IRAG1: variants seen among roughly 807,000 people sequenced by gnomAD.
IRAG1 encodes inositol 1,4,5-triphosphate receptor associated 1.
In IRAG1, 62 loss-of-function variants were observed where a neutral mutation model predicts 106.2. That is an observed-to-expected ratio of 0.58 (90% CI 0.48 to 0.72). The LOEUF is 0.72. Among genes scored for constraint, IRAG1 ranks in the 30% least tolerant of loss-of-function variants. The probability of loss-of-function intolerance (pLI) is 0.00; values close to 1 mark genes in which losing one functional copy is unlikely to be tolerated. For synonymous variants in IRAG1, 462 were observed against 443.9 expected (o/e 1.04, Z -0.51); for missense variants, 1,064 against 1,140.7 (o/e 0.93, Z 0.97).
intron 10 of IRAG1, among the ~76,000 whole-genome samples, chr11:10,618,699 A>G (rs1367233121): frequency 6.6e-6 from 1 of 152,216 alleles, no homozygotes; most frequent in African/African-American, 2.4e-5. Flanking sequence ...TCCATGCAGA[A>G]GACAGAATGT....
In IRAG1 at chr11:10,574,630, T is replaced by G. The variant is rs1031953953; in HGVS notation, c.*1702A>C. 4.6e-5 allele frequency: 7 copies of G among 151,436 alleles called. No individual in the cohort carries two copies. Among genetic ancestry groups the G allele is most frequent in the African/African-American group, 1.7e-4 (7 of 41,116 alleles). 9.4% of individuals were successfully genotyped at this position (151,436 alleles called of 1,614,324 possible). A position where few individuals can be genotyped will look rare whatever the true frequency, so the allele number is the denominator to read the frequency against. Reference sequence around the variant, plus strand: ...AATTTTTGCACTCGGTCGAGAAGAGTGACCTGAAGAAAAGAGAAGAACAGC... The same window carrying G: ...AATTTTTGCACTCGGTCGAGAAGAGGGACCTGAAGAAAAGAGAAGAACAGC... On this transcript the variant is annotated 3_prime_UTR_variant, in exon 21 of 21. Coordinates refer to ENST00000423302, the MANE Select transcript of IRAG1 (RefSeq NM_130385.4).
chr11:10,607,978 G>A (rs1234011310), intron 11 of IRAG1, among the ~76,000 whole-genome samples: 1 of 152,216 alleles, frequency 6.6e-6, no homozygotes, highest in Non-Finnish European at 1.5e-5. Flanking sequence ...AACTTGCCAA[G>A]TTTGTTTCTG....
At chr11:10,633,340 G>T (rs1235682741) in intron 3 of IRAG1, among the ~76,000 whole-genome samples, 1 of 152,118 alleles carries the variant, frequency 6.6e-6, no homozygotes, top group Non-Finnish European at 1.5e-5. Context: ...CTCCCAAAGT[G>T]CTAGGATTAC....
intron 1 of IRAG1, among the ~76,000 whole-genome samples, chr11:10,687,303 T>A (rs1444856444): frequency 6.6e-6 from 1 of 152,220 alleles, no homozygotes; most frequent in Admixed American, 6.5e-5. Context: ...AGAATGGCTA[T>A]CTGATGGTGA....
chr11:10,677,306 CCTT>C (rs1459271042), intron 1 of IRAG1, among the ~76,000 whole-genome samples: 1 of 152,216 alleles, frequency 6.6e-6, no homozygotes. Flanking sequence ...GTCAATGTCT[CCTT>C]CTCCTGAATC....
At chr11:10,680,658 T>C (rs1281599015) in intron 1 of IRAG1, among the ~76,000 whole-genome samples, 1 of 152,222 alleles carries the variant, frequency 6.6e-6, no homozygotes, top group South Asian at 2.1e-4. Context: ...CCATTGGCCC[T>C]GGAGCTGGGC....
At chr11:10,683,182 T>C (rs773511463) in intron 1 of IRAG1, among the ~76,000 whole-genome samples, 9 of 152,224 alleles carry the variant, frequency 5.9e-5, no homozygotes, top group Non-Finnish European at 1.2e-4. Context: ...TGTGAGCTGT[T>C]GTATGGGGAA....
At chr11:10,596,771 A>T (rs1853361899) in intron 15 of IRAG1, among the ~76,000 whole-genome samples, 1 of 152,230 alleles carries the variant, frequency 6.6e-6, no homozygotes, top group Non-Finnish European at 1.5e-5. Context: ...AACTGTGCCC[A>T]ATTTGATTTA....
At chr11:10,609,908 G>T in intron 10 of IRAG1, 57 bp from the exon 11 acceptor site, 1 of 1,564,024 alleles carries the variant, frequency 6.4e-7, no homozygotes, top group South Asian at 1.2e-5. Context: ...TAGTACTGTT[G>T]GCAGCTAGCT....
intron 2 of IRAG1, among the ~76,000 whole-genome samples, chr11:10,635,762 G>A (rs1305687394): frequency 6.6e-6 from 1 of 152,134 alleles, no homozygotes; most frequent in Non-Finnish European, 1.5e-5. Context: ...CAAGCATAAG[G>A]CCACATGAGC....
chr11:10,590,608 A>AAGGGGAAAATTCTGAGAGGCAGC (rs151238642), intron 18 of IRAG1, among the ~76,000 whole-genome samples: 11,307 of 152,170 alleles, frequency 0.074, 603 homozygotes, highest in African/African-American at 0.16. Context: ...GAAAAGACAC[A>AAGGGGAAAATTCTGAGAGGCAGC]AGGGGAAAAT....
chr11:10,579,176 CTTCCCCTGAACAA>C (rs1258871533), intron 20 of IRAG1, among the ~76,000 whole-genome samples: 1 of 152,220 alleles, frequency 6.6e-6, no homozygotes, highest in Non-Finnish European at 1.5e-5. Context: ...CCTAACGGCT[CTTCCCCTGAACAA>C]TGGGGTCGAC....
In IRAG1 at chr11:10,629,506, A is replaced by G. The variant is rs532418002; in HGVS notation, c.574+32T>C. ...TTCCCTCCCGACCCTAGAGGGGCTC[A>G]GGGCAGCCACCTGTACATCCTGCCA... is the stretch of plus-strand genomic sequence containing the variant. On this transcript the variant is annotated intron_variant, in intron 5 of 20. Transcript: ENST00000423302. 16 of 1,600,730 alleles carry G rather than the reference A, an allele frequency of 1.0e-5. No homozygotes were observed. In the African/African-American group the frequency reaches 1.6e-4, roughly 16 times the overall value.
At chr11:10,626,616 G>A in intron 8 of IRAG1, 33 bp from the exon 9 acceptor site, 1 of 1,554,924 alleles carries the variant, frequency 6.4e-7, no homozygotes, top group Middle Eastern at 1.8e-4. Context: ...GGAACCCTCG[G>A]GGGCAGGTTG....
At chr11:10,654,051 T>C (rs1481035457) in intron 1 of IRAG1, among the ~76,000 whole-genome samples, 1 of 152,116 alleles carries the variant, frequency 6.6e-6, no homozygotes, top group Admixed American at 6.5e-5. Flanking sequence ...GAGCACCAAC[T>C]GTGTTCCAGG....
chr11:10,669,729 C>T (rs1396967413), intron 1 of IRAG1, among the ~76,000 whole-genome samples: 1 of 152,092 alleles, frequency 6.6e-6, no homozygotes, highest in Non-Finnish European at 1.5e-5. Context: ...GAAAGTAGTT[C>T]CCCCCCTTAC....
At chr11:10,596,188 A>G (rs1318989412) in intron 15 of IRAG1, among the ~76,000 whole-genome samples, 3 of 152,172 alleles carry the variant, frequency 2.0e-5, no homozygotes, top group East Asian at 1.9e-4. Flanking sequence ...TTCAATTTCA[A>G]TCTTCCTTAG....
chr11:10,604,635 A>T, intron 12 of IRAG1, 90 bp from the exon 13 acceptor site: 1 of 1,506,650 alleles, frequency 6.6e-7, no homozygotes, highest in South Asian at 1.2e-5. Flanking sequence ...AGCGTTTTGC[A>T]ACGGCCCCTG....
At chr11:10,609,537 T>C (rs868092586) in intron 11 of IRAG1, among the ~76,000 whole-genome samples, 191 bp downstream of exon 11, 1 of 152,168 alleles carries the variant, frequency 6.6e-6, no homozygotes, top group African/African-American at 2.4e-5. Context: ...CACCTGGCCT[T>C]TGAGTTGAAA....
Sources: allele counts gnomAD v4.1 joint callset (sites outside exome capture counted in the v4.1 genomes callset), GRCh38; gene constraint gnomAD v4.1.1; transcripts MANE v1.5; gene names NCBI Gene and HGNC (gene_info 2026-07-23, HGNC 2026-07-21).